Variants in CPPED1 observed in about 807,000 individuals in gnomAD.
CPPED1 encodes the protein calcineurin like phosphoesterase domain containing 1.
Under a neutral mutation model 28.0 loss-of-function variants are expected in CPPED1, and 28 were observed. That is an observed-to-expected ratio of 1.00 (90% CI 0.74 to 1.37). CPPED1 has a LOEUF of 1.37. CPPED1 is among the 40% of genes most tolerant of loss of function. The pLI, the probability that CPPED1 is intolerant of heterozygous loss-of-function variation, is 0.00. For synonymous variants in CPPED1, 198 were observed against 180.2 expected (o/e 1.10, Z -0.79); for missense variants, 504 against 416.5 (o/e 1.21, Z -1.83).
At chr16:12,726,840 T>C (rs973680099) in intron 2 of CPPED1, among the ~76,000 whole-genome samples, 1 of 151,986 alleles carries the variant, frequency 6.6e-6, no homozygotes, top group African/African-American at 2.4e-5. Context: ...AAAATAAAAA[T>C]AAAGCAGCAA....
At chr16:12,683,934 T>G (rs2079919210) in intron 3 of CPPED1, among the ~76,000 whole-genome samples, 3 of 152,182 alleles carry the variant, frequency 2.0e-5, no homozygotes, top group Admixed American at 2.0e-4. Flanking sequence ...TTTGCCTTCC[T>G]CAGTTTGTAG....
At chr16:12,777,558 C>A (rs576096309) in intron 2 of CPPED1, among the ~76,000 whole-genome samples, 1 of 152,234 alleles carries the variant, frequency 6.6e-6, no homozygotes, top group Admixed American at 6.5e-5. Flanking sequence ...AATAAAATAC[C>A]AAGATAACCC....
rs1228085669 is a variant in CPPED1 at position 12,782,179 on chromosome 16, G to C, written c.71-776C>G. ...TTAGGGTTTCTACTCTTATCTGCCA[G>C]AACTGCCGCGCCAGTGCCTGCTTGG... is the stretch of plus-strand genomic sequence containing the variant. On this transcript the variant is annotated intron_variant, in intron 1 of 3. Transcript: ENST00000381774. Among the ~76,000 whole-genome samples the C allele has an allele frequency of 2.0e-5, 3 of 152,252 alleles. No homozygotes were observed. In the East Asian group the frequency reaches 5.8e-4, roughly 29 times the overall value.
In CPPED1 at chr16:12,739,703, G is replaced by A. The variant is rs184973026; in HGVS notation, c.290-34654C>T. Among the ~76,000 whole-genome samples, 841 of 152,282 alleles carry A rather than the reference G, an allele frequency of 5.5e-3. 5 individuals are homozygous for A. The highest frequency in any genetic ancestry group is 0.031 in the Middle Eastern group (9 of 294). On this transcript the variant is annotated intron_variant, in intron 2 of 3. Coordinates refer to ENST00000381774, the MANE Select transcript of CPPED1 (RefSeq NM_018340.3). Reference sequence around the variant, plus strand: ...TCCCATTTTTGCCTCTAGTATAGAGGATGCCAAAGCAACAACATGGTTCGC... The same window carrying A: ...TCCCATTTTTGCCTCTAGTATAGAGAATGCCAAAGCAACAACATGGTTCGC...
At chr16:12,673,856 C>A (rs897586741) in intron 3 of CPPED1, among the ~76,000 whole-genome samples, 1 of 151,960 alleles carries the variant, frequency 6.6e-6, no homozygotes, top group Non-Finnish European at 1.5e-5. Flanking sequence ...AGACCAGCCT[C>A]GGCAACATCA....
At chr16:12,692,477 G>T (rs2079968674) in intron 3 of CPPED1, among the ~76,000 whole-genome samples, 1 of 152,146 alleles carries the variant, frequency 6.6e-6, no homozygotes, top group South Asian at 2.1e-4. Context: ...GCACCTACCA[G>T]GAGCCAGACA....
Position 12,770,333 on chromosome 16 carries a change from C to A in CPPED1, c.289+10852G>T, listed in dbSNP as rs539849767. Among the ~76,000 whole-genome samples the A allele has an allele frequency of 7.9e-5, 12 of 152,306 alleles. No individual in the cohort carries two copies. In the South Asian group the frequency reaches 2.5e-3, roughly 32 times the overall value. On this transcript the variant is annotated intron_variant, in intron 2 of 3. Transcript: ENST00000381774. Reference sequence around the variant, plus strand: ...ACAACAGCACGTCTGAGGATGCTCACAGCAGCACTGTTCAAATTAACTCCC... The same window carrying A: ...ACAACAGCACGTCTGAGGATGCTCAAAGCAGCACTGTTCAAATTAACTCCC...
chr16:12,704,781 G>A lies in CPPED1; in HGVS notation c.558C>T (p.Asp186=), dbSNP rs781611893. 6.8e-6 allele frequency: 11 copies of A among 1,614,070 alleles called. No individual in the cohort carries two copies. The highest frequency in any genetic ancestry group is 3.3e-5 in the South Asian group (3 of 91,084). ...SLKQAQDQWL[D]EQLSIARQRH... is the part of the protein sequence containing the mutation. ...GCTGCCTCGCGATGCTCAGCTGCTCGTCCAGCCACTGGTCCTGAGCCTGCT... is the reference window on the plus strand; with the variant it reads ...GCTGCCTCGCGATGCTCAGCTGCTCATCCAGCCACTGGTCCTGAGCCTGCT... The change falls in exon 3 of 4, where the codon GAC becomes GAT. Residue 186 remains aspartate (D), a synonymous_variant. Transcript: ENST00000381774.
At position 12,704,736 on chromosome 16, in the gene CPPED1, G is replaced by A. The variant is rs749114972; in HGVS notation, c.603C>T (p.Ile201=). The A allele has an allele frequency of 8.7e-6, 14 of 1,614,082 alleles. No homozygotes were observed. Among genetic ancestry groups the A allele is most frequent in the South Asian group, 3.3e-5 (3 of 91,088 alleles). Residue 201 remains isoleucine (I), a synonymous_variant, in exon 3 of 4, where the codon ATC becomes ATT. Coordinates refer to ENST00000381774, the MANE Select transcript of CPPED1 (RefSeq NM_018340.3). ...GGAACAGCGGGATGTGCTGGAAGAC[G>A]ATGGCATGCTGGCAGTGCCGCTGCC... is the stretch of plus-strand genomic sequence containing the variant. ...IARQRHCQHA[I]VFQHIPLFLE...
intron 3 of CPPED1, among the ~76,000 whole-genome samples, chr16:12,675,942 T>TA (rs2079875432): frequency 6.6e-6 from 1 of 152,192 alleles, no homozygotes; most frequent in South Asian, 2.1e-4. Context: ...GGCTTTGAGA[T>TA]AAGAGATTCT....
chr16:12,751,745 G>C (rs990993234), intron 2 of CPPED1, among the ~76,000 whole-genome samples: 3 of 152,202 alleles, frequency 2.0e-5, no homozygotes, highest in Non-Finnish European at 4.4e-5. Flanking sequence ...AAATAGGACT[G>C]ATAATGTTTT....
At chr16:12,799,490 C>A (rs2080646327) in intron 1 of CPPED1, among the ~76,000 whole-genome samples, 1 of 152,182 alleles carries the variant, frequency 6.6e-6, no homozygotes, top group Non-Finnish European at 1.5e-5. Context: ...AAGCAATCCA[C>A]CTGCCTCGGC....
intron 2 of CPPED1, among the ~76,000 whole-genome samples, chr16:12,710,022 G>GAAGGA (rs778427694): frequency 6.7e-6 from 1 of 149,930 alleles, no homozygotes; most frequent in Non-Finnish European, 1.5e-5. Context: ...GGAAGGGAGG[G>GAAGGA]AAGGAAAGGA....
Position 12,792,653 on chromosome 16 carries a change from G to C in CPPED1, c.70+11054C>G, listed in dbSNP as rs766659466. On this transcript the variant is annotated intron_variant, in intron 1 of 3. Transcript: ENST00000381774. ...TCCCACATGTCATGGGAAGGACCTG[G>C]TGGGAGGTAACTGAATCATGGGGGC... Among the ~76,000 whole-genome samples, 63 of 152,202 alleles carry C rather than the reference G, an allele frequency of 4.1e-4. 1 individual carries two copies. The highest frequency in any genetic ancestry group is 3.4e-3 in the Middle Eastern group (1 of 294).
intron 2 of CPPED1, among the ~76,000 whole-genome samples, chr16:12,727,788 C>A (rs928291302): frequency 6.6e-6 from 1 of 152,192 alleles, no homozygotes; most frequent in Non-Finnish European, 1.5e-5. Context: ...ACACACAGTT[C>A]GTAAATTATC....
intron 3 of CPPED1, among the ~76,000 whole-genome samples, chr16:12,680,891 C>T (rs1245257279): frequency 1.3e-5 from 2 of 152,166 alleles, no homozygotes; most frequent in Non-Finnish European, 2.9e-5. Flanking sequence ...AACACCTATA[C>T]ACTTGGTCAT....
intron 2 of CPPED1, among the ~76,000 whole-genome samples, chr16:12,761,781 C>T (rs979438830): frequency 3.3e-5 from 5 of 152,122 alleles, no homozygotes; most frequent in Non-Finnish European, 7.4e-5. Context: ...GAGGCCGAGG[C>T]GGGCGGATCA....
chr16:12,671,866 T>C (rs1217171159), intron 3 of CPPED1, among the ~76,000 whole-genome samples: 3 of 152,306 alleles, frequency 2.0e-5, no homozygotes, highest in South Asian at 4.1e-4. Context: ...TATGTCTAGA[T>C]ACACAAATCC....
At chr16:12,749,890 G>GA (rs1229990417) in intron 2 of CPPED1, among the ~76,000 whole-genome samples, 2 of 152,124 alleles carry the variant, frequency 1.3e-5, no homozygotes, top group East Asian at 3.9e-4. Context: ...GCGCCTGGCA[G>GA]AATCACGAAT....
Sources: gnomAD v4.1 joint callset for allele counts (sites outside exome capture counted in the v4.1 genomes callset) on GRCh38, gnomAD v4.1.1 for gene constraint, MANE v1.5 for transcripts, NCBI Gene and HGNC (gene_info 2026-07-23, HGNC 2026-07-21) for gene names.